C14orf132: variants seen among roughly 807,000 people sequenced by gnomAD.
The protein encoded by C14orf132 is uncharacterized protein C14orf132.
C14orf132 carries 6 observed loss-of-function variants against 5.8 expected under a neutral mutation model. The observed-to-expected ratio is 1.03, with a 90% CI of 0.57 to 2.04. The LOEUF is 2.04. Among genes scored for constraint, C14orf132 ranks in the 30% most tolerant of loss-of-function variants. The probability of loss-of-function intolerance (pLI) is 0.00; values close to 1 mark genes in which losing one functional copy is unlikely to be tolerated. For synonymous variants in C14orf132, 51 were observed against 49.8 expected (o/e 1.02, Z -0.10); for missense variants, 125 against 115.8 (o/e 1.08, Z -0.37).
rs563655729 is a variant in C14orf132 at position 96,046,852 on chromosome 14, A to G, written c.27+7325A>G. 8.5e-5 allele frequency among the ~76,000 whole-genome samples: 13 copies of G among 152,328 alleles called. No homozygotes were observed. The South Asian group carries it at 2.7e-3, about 32-fold the overall frequency. ...TTTCACAGAGGGGAAAAAAGACACA[A>G]AAGACATCTCTTCCTATTGGAGAGG... is the stretch of plus-strand genomic sequence containing the variant. On this transcript the variant is annotated intron_variant, in intron 1 of 1. Transcript: ENST00000555004.
intron 1 of C14orf132, among the ~76,000 whole-genome samples, chr14:96,078,574 G>A (rs1054994533): frequency 1.3e-5 from 2 of 152,180 alleles, no homozygotes; most frequent in African/African-American, 2.4e-5. Context: ...GGCACCGCAA[G>A]CATTTTTTCA....
intron 1 of C14orf132, among the ~76,000 whole-genome samples, chr14:96,043,180 G>A (rs982524793): frequency 6.6e-6 from 1 of 152,194 alleles, no homozygotes; most frequent in Non-Finnish European, 1.5e-5. Context: ...AGAGAATGCA[G>A]TATTGGTGAC....
chr14:96,054,660 G>A (rs927536075), intron 1 of C14orf132, among the ~76,000 whole-genome samples: 1 of 152,188 alleles, frequency 6.6e-6, no homozygotes, highest in Non-Finnish European at 1.5e-5. Context: ...AACCAAAACT[G>A]TATATCCCCC....
rs184020127 is a variant in C14orf132, at chr14:96,053,088, C to A, written c.27+13561C>A. ...TGAAACCAGGACAGCCCCAGGCCAACTGGGATGGCTGGTCACCCTACCCAG... is the reference window on the plus strand; with the variant it reads ...TGAAACCAGGACAGCCCCAGGCCAAATGGGATGGCTGGTCACCCTACCCAG... On this transcript the variant is annotated intron_variant, in intron 1 of 1. Transcript: ENST00000555004. 1.6e-4 allele frequency among the ~76,000 whole-genome samples: 25 copies of A among 152,310 alleles called. No individual in the cohort carries two copies. In the East Asian group the frequency reaches 4.2e-3, roughly 26 times the overall value.
intron 1 of C14orf132, among the ~76,000 whole-genome samples, chr14:96,076,393 CTAT>C (rs1264193533): frequency 6.6e-6 from 1 of 152,124 alleles, no homozygotes; most frequent in African/African-American, 2.4e-5. Flanking sequence ...TGATTTTTCT[CTAT>C]TGTTTCTGTT....
Position 96,068,628 on chromosome 14 carries a change from C to T in C14orf132, c.28-17883C>T, listed in dbSNP as rs79341514. Among the ~76,000 whole-genome samples, 103 of 152,268 alleles carry T rather than the reference C, an allele frequency of 6.8e-4. No homozygotes were observed. In the East Asian group the frequency reaches 0.011, roughly 17 times the overall value. On this transcript the variant is annotated intron_variant, in intron 1 of 1. Coordinates refer to ENST00000555004, the MANE Select transcript of C14orf132 (RefSeq NM_001252507.3). ...CACGGACCATGTAGGGAGCAGCAGC[C>T]GCTTACTACCCCTGGGAGGAAAGCT...
chr14:96,040,064 C>T (rs1001971069), intron 1 of C14orf132, among the ~76,000 whole-genome samples: 2 of 151,900 alleles, frequency 1.3e-5, no homozygotes, highest in Non-Finnish European at 2.9e-5. Context: ...GCGCCGCGGT[C>T]GTTTGTCCTG....
intron 1 of C14orf132, among the ~76,000 whole-genome samples, chr14:96,052,459 C>T (rs539742549): frequency 6.6e-6 from 1 of 152,368 alleles, no homozygotes; most frequent in South Asian, 2.1e-4. Context: ...CCCTCCCTTC[C>T]GAGGTTCCCT....
At chr14:96,062,868 C>G (rs1216802589) in intron 1 of C14orf132, among the ~76,000 whole-genome samples, 2 of 152,112 alleles carry the variant, frequency 1.3e-5, no homozygotes, top group Non-Finnish European at 2.9e-5. Flanking sequence ...GATTTTCTTT[C>G]CAACAAACAG....
chr14:96,067,431 A>G (rs1887564102), intron 1 of C14orf132, among the ~76,000 whole-genome samples: 4 of 152,052 alleles, frequency 2.6e-5, no homozygotes, highest in African/African-American at 9.7e-5. Flanking sequence ...AAACATGAAC[A>G]TTGCTCTAAA....
chr14:96,045,248 A>G (rs1311615859), intron 1 of C14orf132, among the ~76,000 whole-genome samples: 1 of 152,234 alleles, frequency 6.6e-6, no homozygotes, highest in Non-Finnish European at 1.5e-5. Context: ...CAGGGGCTCC[A>G]GGAGCCCAGA....
intron 1 of C14orf132, among the ~76,000 whole-genome samples, chr14:96,062,652 A>G (rs1023673311): frequency 6.6e-6 from 1 of 152,186 alleles, no homozygotes. Flanking sequence ...CATCCTCGCA[A>G]TTCCACCACT....
chr14:96,049,761 C>T (rs1240871989), intron 1 of C14orf132, among the ~76,000 whole-genome samples: 1 of 138,162 alleles, frequency 7.2e-6, no homozygotes, highest in Non-Finnish European at 1.6e-5. Flanking sequence ...ATAGTCTCTT[C>T]ATTTTTTTTT....
chr14:96,077,260 T>A (rs2139676102), intron 1 of C14orf132, among the ~76,000 whole-genome samples: 1 of 152,298 alleles, frequency 6.6e-6, no homozygotes, highest in Non-Finnish European at 1.5e-5. Context: ...TTGGACTGGA[T>A]TCTGGGTGTT....
intron 1 of C14orf132, among the ~76,000 whole-genome samples, chr14:96,070,994 G>C (rs1421173215): frequency 6.6e-6 from 1 of 152,176 alleles, no homozygotes; most frequent in East Asian, 1.9e-4. Context: ...GTGATGTGCT[G>C]AGAAGGGGAA....
rs901599450 is a variant in C14orf132, at chr14:96,088,117, C to T, written c.*1382C>T. ...AATAACACCCTCTGTAGTGGAGAAA[C>T]TTAAAAAGCTGGTTAGGAAGCTCTC... On this transcript the variant is annotated 3_prime_UTR_variant, in exon 2 of 2. Coordinates refer to ENST00000555004, the MANE Select transcript of C14orf132 (RefSeq NM_001252507.3). The T allele has an allele frequency of 6.6e-6, 1 of 152,148 alleles. No homozygotes were observed. The highest frequency in any genetic ancestry group is 2.4e-5 in the African/African-American group (1 of 41,420). 9.4% of individuals were successfully genotyped at this position (152,148 alleles called of 1,614,324 possible). A position where few individuals can be genotyped will look rare whatever the true frequency, so the allele number is the denominator to read the frequency against.
intron 1 of C14orf132, among the ~76,000 whole-genome samples, chr14:96,052,853 G>A (rs1887068986): frequency 6.6e-6 from 1 of 152,210 alleles, no homozygotes; most frequent in Non-Finnish European, 1.5e-5. Context: ...AACCTGGGAT[G>A]ACTCAGTTGA....
At chr14:96,065,762 CTT>C (rs1446893131) in intron 1 of C14orf132, among the ~76,000 whole-genome samples, 3 of 152,112 alleles carry the variant, frequency 2.0e-5, no homozygotes, top group Admixed American at 6.5e-5. Flanking sequence ...GGCCCTGAGA[CTT>C]TATTCTGCTC....
intron 1 of C14orf132, among the ~76,000 whole-genome samples, chr14:96,085,762 C>A (rs1888161976): frequency 6.6e-6 from 1 of 152,064 alleles, no homozygotes; most frequent in East Asian, 1.9e-4. Flanking sequence ...AATGGATGTA[C>A]AAGGATGTTG....
Sources: allele counts gnomAD v4.1 joint callset (sites outside exome capture counted in the v4.1 genomes callset), GRCh38; gene constraint gnomAD v4.1.1; transcripts MANE v1.5; gene names NCBI Gene and HGNC (gene_info 2026-07-23, HGNC 2026-07-21).